Variants in SIL1 observed in about 807,000 individuals in gnomAD.
SIL1 encodes the protein nucleotide exchange factor SIL1.
Under a neutral mutation model 49.1 loss-of-function variants are expected in SIL1, and 40 were observed. That is an observed-to-expected ratio of 0.81 (90% CI 0.63 to 1.06). The LOEUF is 1.06. Among genes scored for constraint, SIL1 ranks in the 50% least tolerant of loss-of-function variants. SIL1 has a pLI of 0.00. For synonymous variants in SIL1, 253 were observed against 250.8 expected (o/e 1.01, Z -0.08); for missense variants, 500 against 572.6 (o/e 0.87, Z 1.29).
intron 7 of SIL1, among the ~76,000 whole-genome samples, chr5:138,973,130 C>T (rs1316338994): frequency 7.2e-6 from 1 of 139,108 alleles, no homozygotes; most frequent in African/African-American, 2.7e-5. Context: ...TATCCTTATA[C>T]AATTAAAGGT....
chr5:139,057,483 ACCTGCCCCCTCCTGGCAGTCAGAGGCCG>A (rs1324900256), intron 3 of SIL1, among the ~76,000 whole-genome samples: 2 of 151,836 alleles, frequency 1.3e-5, no homozygotes, highest in African/African-American at 4.8e-5. Context: ...TTGTACCCCC[ACCTGCCCCCTCCTGGCAGTCAGAGGCCG>A]CAGGCTACCA....
chr5:138,994,965 G>A (rs1400171336), intron 7 of SIL1, among the ~76,000 whole-genome samples: 1 of 152,130 alleles, frequency 6.6e-6, no homozygotes, highest in Non-Finnish European at 1.5e-5. Flanking sequence ...TGTGGTGTTT[G>A]GTTTTCTGTT....
chr5:139,080,846 T>G (rs1231412612), intron 3 of SIL1, among the ~76,000 whole-genome samples: 2 of 152,212 alleles, frequency 1.3e-5, no homozygotes, highest in African/African-American at 4.8e-5. Context: ...AGAAACTATA[T>G]TTAATATTTG....
At chr5:139,182,839 T>C (rs1262718223) in intron 1 of SIL1, among the ~76,000 whole-genome samples, 1 of 152,126 alleles carries the variant, frequency 6.6e-6, no homozygotes, top group East Asian at 1.9e-4. Context: ...GTTACATGGT[T>C]TAAATCTGGG....
intron 1 of SIL1, among the ~76,000 whole-genome samples, chr5:139,161,430 G>A (rs1751511276): frequency 6.6e-6 from 1 of 152,154 alleles, no homozygotes; most frequent in African/African-American, 2.4e-5. Flanking sequence ...AAAAGGAGAA[G>A]CCAGCTTCAG....
intron 1 of SIL1, among the ~76,000 whole-genome samples, chr5:139,140,548 G>C (rs185543491): frequency 2.9e-4 from 44 of 152,242 alleles, no homozygotes; most frequent in Non-Finnish European, 5.1e-4. Context: ...ACTTGAAAGG[G>C]AGATGAATTT....
intron 1 of SIL1, among the ~76,000 whole-genome samples, chr5:139,190,152 G>A (rs908703154): frequency 3.3e-5 from 5 of 152,220 alleles, no homozygotes; most frequent in Admixed American, 2.0e-4. Flanking sequence ...ACTCCAAAGT[G>A]TGTTTAAACC....
chr5:139,111,993 C>T (rs540763383), intron 3 of SIL1, among the ~76,000 whole-genome samples: 7 of 152,358 alleles, frequency 4.6e-5, no homozygotes, highest in East Asian at 1.9e-4. Flanking sequence ...TGCAGGTGCG[C>T]GCCGCCACGC....
At chr5:139,154,636 T>C (rs920341132) in intron 1 of SIL1, among the ~76,000 whole-genome samples, 4 of 152,160 alleles carry the variant, frequency 2.6e-5, no homozygotes. Context: ...GTAAAAAATA[T>C]TTTGCAATAT....
chr5:139,040,484 CTTTTTTCTTTTTTCTTTTTT>C (rs1449343981), intron 5 of SIL1, among the ~76,000 whole-genome samples: 12 of 89,410 alleles, frequency 1.3e-4, no homozygotes, highest in African/African-American at 4.6e-4. Context: ...AGTATTTTTT[CTTTTTTCTTTTTTCTTTTTT>C]TTTTTTTTTT....
intron 1 of SIL1, among the ~76,000 whole-genome samples, chr5:139,177,914 T>G (rs193030779): frequency 6.6e-6 from 1 of 152,360 alleles, no homozygotes; most frequent in East Asian, 1.9e-4. Context: ...CTTTGCTAAC[T>G]TGGCACATCA....
At chr5:139,081,139 G>A (rs990333801) in intron 3 of SIL1, among the ~76,000 whole-genome samples, 1 of 152,164 alleles carries the variant, frequency 6.6e-6, no homozygotes, top group African/African-American at 2.4e-5. Context: ...AAGGGAAGTG[G>A]GTGCAGGCAG....
intron 7 of SIL1, among the ~76,000 whole-genome samples, chr5:138,984,874 G>A (rs912360525): frequency 6.6e-6 from 1 of 152,230 alleles, no homozygotes; most frequent in Non-Finnish European, 1.5e-5. Context: ...AACAAAGGCT[G>A]TATCAGACAC....
intron 1 of SIL1, among the ~76,000 whole-genome samples, chr5:139,131,305 C>A (rs1319169751): frequency 6.6e-6 from 1 of 152,192 alleles, no homozygotes; most frequent in Admixed American, 6.5e-5. Context: ...CTATCCCACT[C>A]CTGCCACATT....
intron 3 of SIL1, among the ~76,000 whole-genome samples, chr5:139,096,581 G>A (rs1259044171): frequency 6.6e-6 from 1 of 151,302 alleles, no homozygotes; most frequent in Admixed American, 6.6e-5. Context: ...AGAAAAGAGT[G>A]GGGAGGACTT....
intron 1 of SIL1, among the ~76,000 whole-genome samples, chr5:139,136,054 G>A (rs1157447561): frequency 6.6e-6 from 1 of 152,108 alleles, no homozygotes; most frequent in Non-Finnish European, 1.5e-5. Context: ...GTGACAGAGT[G>A]AGGCTCTGTC....
In SIL1 at chr5:139,028,112, G is replaced by A. The variant is rs1768701612; in HGVS notation, c.454-1120C>T. Among the ~76,000 whole-genome samples, 6 of 152,068 alleles carry A rather than the reference G, an allele frequency of 3.9e-5. No individual in the cohort carries two copies. In the South Asian group the frequency reaches 1.2e-3, roughly 32 times the overall value. ...GAAGGCTGAGTCACTTTCTAGAACTGTGAGATGATAGGCAAGTGAGCACAA... is the reference window on the plus strand; with the variant it reads ...GAAGGCTGAGTCACTTTCTAGAACTATGAGATGATAGGCAAGTGAGCACAA... On this transcript the variant is annotated intron_variant, in intron 5 of 9. Coordinates refer to ENST00000394817, the MANE Select transcript of SIL1 (RefSeq NM_022464.5).
In SIL1 at chr5:138,961,794, C is replaced by CT. The variant is rs1467193357; in HGVS notation, c.768-9911dup. On this transcript the variant is annotated intron_variant, in intron 7 of 9. Transcript: ENST00000394817. ...TTAAGTACACTTCATTTTTCAAACT[C>CT]TAAGTCATCTTTCCTTTTGAAGCTC... 2.0e-5 allele frequency among the ~76,000 whole-genome samples: 3 copies of CT among 152,234 alleles called. No individual in the cohort carries two copies. The East Asian group carries it at 5.8e-4, about 29-fold the overall frequency.
At chr5:138,990,975 T>G (rs1341022268) in intron 7 of SIL1, among the ~76,000 whole-genome samples, 1 of 152,238 alleles carries the variant, frequency 6.6e-6, no homozygotes, top group African/African-American at 2.4e-5. Context: ...CTCAGCTTCC[T>G]AAAGTGTTGG....
Sources: gnomAD v4.1 joint callset for allele counts (sites outside exome capture counted in the v4.1 genomes callset) on GRCh38, gnomAD v4.1.1 for gene constraint, MANE v1.5 for transcripts, NCBI Gene and HGNC (gene_info 2026-07-23, HGNC 2026-07-21) for gene names.